Variants in DNAAF9 observed in about 807,000 individuals in gnomAD.
DNAAF9 encodes the protein dynein axonemal assembly factor 9, also known as shulin.
Under a neutral mutation model 167.0 loss-of-function variants are expected in DNAAF9, and 90 were observed. That is an observed-to-expected ratio of 0.54 (90% CI 0.45 to 0.64). The LOEUF is 0.64. Among genes scored for constraint, DNAAF9 ranks in the 30% least tolerant of loss-of-function variants. The probability of loss-of-function intolerance (pLI) is 0.00; values close to 1 mark genes in which losing one functional copy is unlikely to be tolerated. For synonymous variants in DNAAF9, 491 were observed against 508.8 expected (o/e 0.96, Z 0.47); for missense variants, 1,315 against 1,442.2 (o/e 0.91, Z 1.43).
intron 18 of DNAAF9, 92 bp downstream of exon 18, chr20:3,316,631 C>T: frequency 1.2e-6 from 1 of 842,376 alleles, no homozygotes; most frequent in East Asian, 2.5e-5. Context: ...ACCTGACATC[C>T]CACCAGGGGC....
intron 7 of DNAAF9, among the ~76,000 whole-genome samples, chr20:3,354,199 T>C (rs1306000084): frequency 6.6e-6 from 1 of 152,206 alleles, no homozygotes; most frequent in Non-Finnish European, 1.5e-5. Context: ...AAAAGATACC[T>C]AGAACCTGTG....
chr20:3,255,152 T>C, intron 35 of DNAAF9, 67 bp downstream of exon 35: 1 of 967,450 alleles, frequency 1.0e-6, no homozygotes, highest in Non-Finnish European at 1.6e-6. Context: ...GAATCCAAAA[T>C]ACAGAGCTAG....
At chr20:3,316,831 C>G in intron 17 of DNAAF9, 38 bp from the exon 18 acceptor site, 1 of 1,516,484 alleles carries the variant, frequency 6.6e-7, no homozygotes. Context: ...TAATTCCCTA[C>G]CAGCTCAGCC....
intron 10 of DNAAF9, among the ~76,000 whole-genome samples, chr20:3,336,859 A>G (rs973843757): frequency 1.9e-4 from 29 of 149,326 alleles, no homozygotes; most frequent in African/African-American, 6.6e-4. Context: ...TACTTTAAAA[A>G]TCTCAATTTG....
intron 23 of DNAAF9, chr20:3,296,274 C>T (rs2069076026): frequency 2.4e-6 from 1 of 419,886 alleles, no homozygotes; most frequent in African/African-American, 2.0e-5. Flanking sequence ...GGGCGCCCCC[C>T]AAGACAGGTG....
At position 3,359,535 on chromosome 20, in the gene DNAAF9, A is replaced by T; in HGVS notation, c.671T>A (p.Leu224Gln). ...NVYSKMDPMS[L>Q]ESLLSDDLVA... ...CCTTACATCTGAAAGCAAACTCTCC[A>T]GAGACATAGGATCCATCTTGCTGTA... The change falls in exon 7 of 37, where the codon CTG becomes CAG. Residue 224 changes from leucine to glutamine, a missense_variant. Coordinates refer to ENST00000252032, the MANE Select transcript of DNAAF9 (RefSeq NM_001009984.3). The T allele has an allele frequency of 1.9e-6, 3 of 1,612,038 alleles. No individual in the cohort carries two copies. The highest frequency in any genetic ancestry group is 2.5e-6 in the Non-Finnish European group (3 of 1,179,034).
chr20:3,348,703 C>T, intron 7 of DNAAF9, 80 bp from the exon 8 acceptor site: 1 of 797,718 alleles, frequency 1.3e-6, no homozygotes, highest in Non-Finnish European at 2.0e-6. Flanking sequence ...GAAACTGTAA[C>T]TTATCTCAAA....
intron 31 of DNAAF9, among the ~76,000 whole-genome samples, chr20:3,261,714 T>G (rs923038445): frequency 2.8e-5 from 4 of 140,430 alleles, no homozygotes; most frequent in African/African-American, 1.1e-4. Context: ...TTTAAATTGT[T>G]GAAAGTATCT....
intron 13 of DNAAF9, among the ~76,000 whole-genome samples, 153 bp downstream of exon 13, chr20:3,326,044 C>T (rs900231231): frequency 2.0e-5 from 3 of 152,218 alleles, no homozygotes; most frequent in African/African-American, 7.2e-5. Flanking sequence ...AGCAGAAGCT[C>T]AGTGCTCTCA....
At chr20:3,290,250 C>G (rs1282824590) in intron 25 of DNAAF9, 33 bp from the exon 26 acceptor site, 4 of 1,307,274 alleles carry the variant, frequency 3.1e-6, no homozygotes, top group Middle Eastern at 1.8e-4. Context: ...GTTTGCAATT[C>G]AACTGCATTG....
rs541800651 is a variant in DNAAF9, at chr20:3,291,352, T to G, written c.2239-1135A>C. Among the ~76,000 whole-genome samples the G allele has an allele frequency of 7.8e-4, 117 of 150,784 alleles. 1 individual carries two copies. Among genetic ancestry groups the G allele is most frequent in the African/African-American group, 1.8e-3 (74 of 41,152 alleles). On this transcript the variant is annotated intron_variant, in intron 25 of 36. Coordinates refer to ENST00000252032, the MANE Select transcript of DNAAF9 (RefSeq NM_001009984.3). The stretch of plus-strand genomic sequence containing the variant: ...GCCTCTGTAAGTTTTTTTGTTTTTT[T>G]TTTTTTTTTTGAGACGGAGTCTCGC...
chr20:3,279,878 A>T (rs956097631), intron 28 of DNAAF9, among the ~76,000 whole-genome samples: 1 of 151,846 alleles, frequency 6.6e-6, no homozygotes, highest in African/African-American at 2.4e-5. Flanking sequence ...AGCTGAAGCC[A>T]CTCTTCTGAA....
chr20:3,330,925 G>A lies in DNAAF9; in HGVS notation c.1064-243C>T, dbSNP rs1452679016. On this transcript the variant is annotated intron_variant, in intron 11 of 36. Transcript: ENST00000252032. ...TCCTGCCTCAGCCTCCTGAGTAGCT[G>A]GGATTACAGGTGCACGCCACCATGC... Among the ~76,000 whole-genome samples the A allele has an allele frequency of 2.6e-5, 4 of 151,776 alleles. No individual in the cohort carries two copies. In the East Asian group the frequency reaches 7.8e-4, roughly 29 times the overall value.
At chr20:3,286,506 C>T (rs571627982) in intron 27 of DNAAF9, among the ~76,000 whole-genome samples, 1 of 152,132 alleles carries the variant, frequency 6.6e-6, no homozygotes, top group African/African-American at 2.4e-5. Context: ...GGTGGGCCAA[C>T]CCATTCCTTT....
intron 1 of DNAAF9, among the ~76,000 whole-genome samples, chr20:3,384,900 A>G (rs1443236190): frequency 6.6e-6 from 1 of 152,154 alleles, no homozygotes; most frequent in Non-Finnish European, 1.5e-5. Flanking sequence ...AATAAAAGTC[A>G]ACACCCATTC....
chr20:3,361,833 A>G, intron 6 of DNAAF9: 1 of 1,430,078 alleles, frequency 7.0e-7, no homozygotes, highest in South Asian at 1.2e-5. Flanking sequence ...GACTGCTTAA[A>G]TCGAATGTTG....
At chr20:3,319,027 G>A (rs1215907473) in intron 16 of DNAAF9, among the ~76,000 whole-genome samples, 1 of 146,010 alleles carries the variant, frequency 6.8e-6, no homozygotes, top group African/African-American at 2.5e-5. Context: ...AGGCTGCAGT[G>A]AGCTGAGATC....
chr20:3,406,236 GCAAA>G (rs778900233), intron 1 of DNAAF9, among the ~76,000 whole-genome samples: 3 of 152,118 alleles, frequency 2.0e-5, no homozygotes, highest in African/African-American at 7.2e-5. Flanking sequence ...TCTAGTTAAA[GCAAA>G]CAAACAACCC....
intron 29 of DNAAF9, among the ~76,000 whole-genome samples, chr20:3,273,382 T>C (rs751589589): frequency 2.0e-5 from 3 of 152,302 alleles, no homozygotes; most frequent in Non-Finnish European, 4.4e-5. Flanking sequence ...AAGAAATACC[T>C]GAGGCTGACT....
Sources: allele counts gnomAD v4.1 joint callset (sites outside exome capture counted in the v4.1 genomes callset), GRCh38; gene constraint gnomAD v4.1.1; transcripts MANE v1.5; gene names NCBI Gene and HGNC (gene_info 2026-07-23, HGNC 2026-07-21).